Variants in GALNTL6 observed in about 807,000 individuals in gnomAD.
GALNTL6 encodes polypeptide N-acetylgalactosaminyltransferase-like 6.
In GALNTL6, 46 loss-of-function variants were observed where a neutral mutation model predicts 73.7. That is an observed-to-expected ratio of 0.62 (90% confidence interval 0.49 to 0.80). The LOEUF is 0.80. GALNTL6 is among the 30% of genes least tolerant of loss of function. GALNTL6 has a pLI of 0.00. For synonymous variants in GALNTL6, 259 were observed against 263.7 expected (o/e 0.98, Z 0.17); for missense variants, 604 against 755.0 (o/e 0.80, Z 2.34).
intron 5 of GALNTL6, among the ~76,000 whole-genome samples, chr4:172,486,605 C>T (rs923580059): frequency 1.3e-5 from 2 of 152,180 alleles, no homozygotes; most frequent in African/African-American, 4.8e-5. Context: ...CAGTTTCAGC[C>T]TAGATCACCA....
chr4:172,525,685 G>A (rs1332600255), intron 5 of GALNTL6, among the ~76,000 whole-genome samples: 7 of 152,016 alleles, frequency 4.6e-5, no homozygotes, highest in Non-Finnish European at 1.0e-4. Context: ...CAAAAAGTGA[G>A]ACCCTCATTA....
At chr4:172,117,444 T>G (rs72990372) in intron 2 of GALNTL6, among the ~76,000 whole-genome samples, 2,089 of 152,310 alleles carry the variant, frequency 0.014, 46 homozygotes, top group African/African-American at 0.046. Flanking sequence ...ATTTAATACT[T>G]AAAACTAACT....
At chr4:171,864,672 T>G (rs1174018937) in intron 2 of GALNTL6, among the ~76,000 whole-genome samples, 3 of 152,150 alleles carry the variant, frequency 2.0e-5, no homozygotes, top group Admixed American at 6.5e-5. Context: ...GATGCAATAT[T>G]TAATAACACT....
At chr4:172,821,240 C>T (rs970315920) in intron 7 of GALNTL6, among the ~76,000 whole-genome samples, 1 of 152,110 alleles carries the variant, frequency 6.6e-6, no homozygotes, top group Non-Finnish European at 1.5e-5. Context: ...AAGGGACTAT[C>T]GTGATGAATA....
intron 3 of GALNTL6, among the ~76,000 whole-genome samples, chr4:172,278,850 G>A (rs1233678754): frequency 3.9e-5 from 6 of 152,102 alleles, no homozygotes; most frequent in Non-Finnish European, 7.4e-5. Flanking sequence ...ATCAAACAGC[G>A]TGGTATTGGC....
At chr4:172,212,218 G>A (rs1346818772) in intron 2 of GALNTL6, among the ~76,000 whole-genome samples, 1 of 151,900 alleles carries the variant, frequency 6.6e-6, no homozygotes, top group Non-Finnish European at 1.5e-5. Context: ...CTGGAGTGCA[G>A]TGGTGTGATC....
intron 5 of GALNTL6, among the ~76,000 whole-genome samples, chr4:172,397,804 C>T (rs1743904105): frequency 6.6e-6 from 1 of 152,064 alleles, no homozygotes; most frequent in African/African-American, 2.4e-5. Flanking sequence ...GTCTCGATCT[C>T]TTGACCTTGT....
At chr4:172,309,246 G>A (rs1429517516) in intron 3 of GALNTL6, among the ~76,000 whole-genome samples, 2 of 151,986 alleles carry the variant, frequency 1.3e-5, no homozygotes, top group Non-Finnish European at 2.9e-5. Flanking sequence ...TTTAAGGGCA[G>A]TAGTAGTAAG....
chr4:172,348,405 A>G (rs1341041821), intron 4 of GALNTL6, 118 bp from the exon 5 acceptor site: 1 of 734,944 alleles, frequency 1.4e-6, no homozygotes, highest in African/African-American at 1.8e-5. Flanking sequence ...CTCTGGTTGG[A>G]AAGTATTAGA....
intron 5 of GALNTL6, among the ~76,000 whole-genome samples, chr4:172,410,712 CTGGTTTTTTAAGTTTACTT>C (rs940360369): frequency 2.6e-5 from 4 of 151,998 alleles, no homozygotes; most frequent in Admixed American, 2.6e-4. Context: ...ACAAATGCAT[CTGGTTTTTTAAGTTTACTT>C]TGGTAGGTGT....
chr4:172,407,570 T>C (rs1055125430), intron 5 of GALNTL6, among the ~76,000 whole-genome samples: 10 of 152,094 alleles, frequency 6.6e-5, no homozygotes, highest in Non-Finnish European at 1.5e-4. Context: ...TTGTAAGATA[T>C]TGAACTTCAT....
intron 11 of GALNTL6, among the ~76,000 whole-genome samples, chr4:173,011,135 A>G (rs1435922671): frequency 6.6e-6 from 1 of 152,172 alleles, no homozygotes; most frequent in African/African-American, 2.4e-5. Flanking sequence ...TTCATATGCC[A>G]GTTTGCCATT....
rs532826795 is a variant in GALNTL6, at chr4:172,784,673, C to T, written c.554-24688C>T. On this transcript the variant is annotated intron_variant, in intron 5 of 12. Coordinates refer to ENST00000506823, the MANE Select transcript of GALNTL6 (RefSeq NM_001034845.3). ...GGGAACTTATAATTAGAAAAATTTC[C>T]CTAGGGTGTTTTAAAATTTGCCACC... 1.1e-4 allele frequency among the ~76,000 whole-genome samples: 16 copies of T among 152,178 alleles called. No homozygotes were observed. The East Asian group carries it at 2.5e-3, about 24-fold the overall frequency.
rs192272925 is a variant in GALNTL6 at position 172,886,492 on chromosome 4, G to A, written c.1041+3585G>A. Reference sequence around the variant, plus strand: ...TATCTGTTTAAAAAATTGGCTGGACGCGGTGGCTCACGACTATAATCCCAG... The same window carrying A: ...TATCTGTTTAAAAAATTGGCTGGACACGGTGGCTCACGACTATAATCCCAG... On this transcript the variant is annotated intron_variant, in intron 8 of 12. Transcript: ENST00000506823. Among the ~76,000 whole-genome samples, 202 of 152,218 alleles carry A rather than the reference G, an allele frequency of 1.3e-3. 1 individual carries two copies. Among genetic ancestry groups the A allele is most frequent in the Admixed American group, 0.011 (163 of 15,294 alleles).
Position 172,759,142 on chromosome 4 carries a change from A to G in GALNTL6, c.554-50219A>G, listed in dbSNP as rs141282209. 4.4e-3 allele frequency among the ~76,000 whole-genome samples: 675 copies of G among 152,354 alleles called. 4 individuals carry two copies. The highest frequency in any genetic ancestry group is 0.016 in the African/African-American group (648 of 41,586). On this transcript the variant is annotated intron_variant, in intron 5 of 12. Transcript: ENST00000506823. ...ACAACCACAAGAAGAGGAAGAGGGC[A>G]TTGTATGAAAGCAGAGTGTCCCTGA...
chr4:172,492,946 A>G (rs1733948252), intron 5 of GALNTL6, among the ~76,000 whole-genome samples: 2 of 152,204 alleles, frequency 1.3e-5, no homozygotes, highest in Admixed American at 1.3e-4. Flanking sequence ...AGGTGGTAAC[A>G]GTAACAAAGA....
At chr4:171,839,185 AG>A (rs1212893412) in intron 2 of GALNTL6, among the ~76,000 whole-genome samples, 3 of 152,140 alleles carry the variant, frequency 2.0e-5, no homozygotes, top group Admixed American at 1.3e-4. Flanking sequence ...TTATTATCAC[AG>A]GAAGTAAGTA....
At chr4:172,431,495 T>A (rs2111383203) in intron 5 of GALNTL6, among the ~76,000 whole-genome samples, 1 of 152,262 alleles carries the variant, frequency 6.6e-6, no homozygotes, top group South Asian at 2.1e-4. Flanking sequence ...CATATGCATA[T>A]ATGTATGTGT....
intron 8 of GALNTL6, among the ~76,000 whole-genome samples, chr4:172,891,697 GA>G (rs1224560776): frequency 6.6e-6 from 1 of 152,132 alleles, no homozygotes; most frequent in Admixed American, 6.6e-5. Context: ...AGCAAGACTG[GA>G]AATTTTTTAT....
Sources: gnomAD v4.1 joint callset for allele counts (sites outside exome capture counted in the v4.1 genomes callset) on GRCh38, gnomAD v4.1.1 for gene constraint, MANE v1.5 for transcripts, NCBI Gene and HGNC (gene_info 2026-07-23, HGNC 2026-07-21) for gene names.